COBLL1: variants seen among roughly 807,000 people sequenced by gnomAD.
The protein encoded by COBLL1 is cordon-bleu protein-like 1.
COBLL1 carries 50 observed loss-of-function variants against 94.8 expected under a neutral mutation model. The observed-to-expected ratio is 0.53, with a 90% CI of 0.42 to 0.67. The LOEUF is 0.67. Among genes scored for constraint, COBLL1 ranks in the 30% least tolerant of loss-of-function variants. The pLI is 0.00. For missense variants in COBLL1, 1,362 were observed against 1,348.7 expected, an observed-to-expected ratio of 1.01 and a Z score of -0.15; for synonymous variants, 448 against 473.8, an observed-to-expected ratio of 0.95 and a Z score of 0.71.
chr2:164,811,520 C>G (rs1684456395), intron 2 of COBLL1, among the ~76,000 whole-genome samples: 1 of 151,892 alleles, frequency 6.6e-6, no homozygotes, highest in African/African-American at 2.4e-5. Flanking sequence ...TAAAGATTGA[C>G]TCTAGTTAAA....
chr2:164,781,794 G>C (rs1559010312), intron 2 of COBLL1, among the ~76,000 whole-genome samples: 1 of 152,032 alleles, frequency 6.6e-6, no homozygotes, highest in African/African-American at 2.4e-5. Context: ...ACAAAACAAA[G>C]CATAAAGAAA....
chr2:164,790,948 A>G (rs983009749), intron 2 of COBLL1, among the ~76,000 whole-genome samples: 1 of 152,222 alleles, frequency 6.6e-6, no homozygotes, highest in African/African-American at 2.4e-5. Context: ...AACTTGAAAT[A>G]TCATATTATA....
chr2:164,707,919 T>C (rs967452174), intron 7 of COBLL1, among the ~76,000 whole-genome samples: 12 of 152,106 alleles, frequency 7.9e-5, no homozygotes, highest in East Asian at 1.9e-4. Flanking sequence ...TTTTTTAATA[T>C]ACCTGCCAGA....
intron 2 of COBLL1, among the ~76,000 whole-genome samples, chr2:164,778,598 C>T (rs1412417850): frequency 6.6e-6 from 1 of 151,918 alleles, no homozygotes; most frequent in Non-Finnish European, 1.5e-5. Flanking sequence ...GTGAGTGAGA[C>T]AAAAAAGACA....
In COBLL1 at chr2:164,709,897, G is replaced by A. The variant is rs74607507; in HGVS notation, c.997-4792C>T. ...GTAAATTTAACAACTGGTATAAGTC[G>A]TGCAAAGGCAAGAGTTTTGAAGAAA... On this transcript the variant is annotated intron_variant, in intron 7 of 13. Transcript: ENST00000652658. 1.1e-4 allele frequency among the ~76,000 whole-genome samples: 16 copies of A among 152,186 alleles called. No individual in the cohort carries two copies. The East Asian group carries it at 1.7e-3, about 17-fold the overall frequency.
intron 9 of COBLL1, chr2:164,703,498 G>A: frequency 2.6e-6 from 1 of 389,954 alleles, no homozygotes; most frequent in South Asian, 2.4e-5. Flanking sequence ...GGAAAAAAAT[G>A]GTGCCATTTA....
chr2:164,736,912 A>G (rs117230351), intron 3 of COBLL1, among the ~76,000 whole-genome samples: 1 of 152,256 alleles, frequency 6.6e-6, no homozygotes, highest in Admixed American at 6.5e-5. Context: ...CTGCCTGCTT[A>G]ATGAAATTGC....
At chr2:164,766,377 C>T (rs1388398303) in intron 2 of COBLL1, among the ~76,000 whole-genome samples, 1 of 152,098 alleles carries the variant, frequency 6.6e-6, no homozygotes, top group East Asian at 1.9e-4. Context: ...TGGGAGGTGA[C>T]TGAATCATGG....
intron 13 of COBLL1, among the ~76,000 whole-genome samples, chr2:164,691,204 T>C (rs1023500231): frequency 1.3e-5 from 2 of 152,096 alleles, no homozygotes; most frequent in African/African-American, 2.4e-5. Flanking sequence ...ACCAAGGAAG[T>C]TGGCTTATGC....
intron 1 of COBLL1, among the ~76,000 whole-genome samples, chr2:164,675,136 T>C (rs1303325344): frequency 6.6e-6 from 1 of 151,490 alleles, no homozygotes; most frequent in East Asian, 1.9e-4. Flanking sequence ...AAAAAAAAAA[T>C]GAGGAGACCA....
chr2:164,774,105 T>A (rs1257774548), intron 2 of COBLL1, among the ~76,000 whole-genome samples: 1 of 152,186 alleles, frequency 6.6e-6, no homozygotes, highest in African/African-American at 2.4e-5. Context: ...ATCTGATTGC[T>A]AAGAAGCACA....
intron 2 of COBLL1, among the ~76,000 whole-genome samples, chr2:164,660,949 G>A (rs1691060757): frequency 1.3e-5 from 2 of 152,114 alleles, no homozygotes; most frequent in African/African-American, 4.8e-5. Flanking sequence ...TACCTGTGAA[G>A]TTATTGATTT....
At chr2:164,665,350 GAA>G (rs1274063834) in intron 2 of COBLL1, among the ~76,000 whole-genome samples, 1 of 136,604 alleles carries the variant, frequency 7.3e-6, no homozygotes, top group East Asian at 2.1e-4. Context: ...AAGAAAGAAA[GAA>G]AGAAAGAAAG....
chr2:164,741,738 G>C (rs1686607594), intron 3 of COBLL1, among the ~76,000 whole-genome samples: 1 of 152,094 alleles, frequency 6.6e-6, no homozygotes, highest in South Asian at 2.1e-4. Flanking sequence ...CATGCTGGAG[G>C]GAGGGTGGGA....
intron 11 of COBLL1, among the ~76,000 whole-genome samples, chr2:164,698,695 C>G (rs1684078900): frequency 2.6e-5 from 4 of 151,782 alleles, no homozygotes. Context: ...TGTAATTTAT[C>G]TGATCCAAGA....
chr2:164,730,265 G>T, intron 3 of COBLL1, 150 bp from the exon 4 acceptor site: 1 of 699,060 alleles, frequency 1.4e-6, no homozygotes, highest in Non-Finnish European at 2.4e-6. Context: ...CAAGGCAGGA[G>T]GACTGCTTGA....
intron 2 of COBLL1, among the ~76,000 whole-genome samples, chr2:164,787,615 A>T (rs1456468494): frequency 6.6e-6 from 1 of 151,928 alleles, no homozygotes; most frequent in Non-Finnish European, 1.5e-5. Context: ...ATACCTTTCC[A>T]CTCCTGCATC....
chr2:164,730,167 G>T, intron 3 of COBLL1, 52 bp from the exon 4 acceptor site: 1 of 1,464,004 alleles, frequency 6.8e-7, no homozygotes, highest in Non-Finnish European at 9.5e-7. Flanking sequence ...GATTTTCTTA[G>T]AATGCTTGTC....
chr2:164,755,529 A>T (rs355825), intron 2 of COBLL1, among the ~76,000 whole-genome samples: 14 of 152,010 alleles, frequency 9.2e-5, no homozygotes, highest in African/African-American at 3.4e-4. Context: ...GAACATAGCA[A>T]TTATGTAAAG....
Sources: gnomAD v4.1 joint callset for allele counts (sites outside exome capture counted in the v4.1 genomes callset) on GRCh38, gnomAD v4.1.1 for gene constraint, MANE v1.5 for transcripts, NCBI Gene and HGNC (gene_info 2026-07-23, HGNC 2026-07-21) for gene names.